Variants in UTP25 observed in about 807,000 individuals in gnomAD.
The protein encoded by UTP25 is UTP25 small subunit processome component.
In UTP25, 50 loss-of-function variants were observed where a neutral mutation model predicts 78.9. That is an observed-to-expected ratio of 0.63 (90% CI 0.50 to 0.80). The LOEUF is 0.80. Ranked by LOEUF, UTP25 falls within the 30% of genes least tolerant of loss-of-function variation. The pLI, the probability that UTP25 is intolerant of heterozygous loss-of-function variation, is 0.00. For missense variants in UTP25, 846 were observed against 911.3 expected (o/e 0.93, Z 0.92); for synonymous variants, 329 against 336.5 (o/e 0.98, Z 0.24).
chr1:209,835,083 C>A lies in UTP25; in HGVS notation c.571C>A (p.Leu191Ile). 6.2e-7 allele frequency: 1 copy of A among 1,613,008 alleles called. No individual in the cohort carries two copies. The highest frequency in any genetic ancestry group is 8.5e-7 in the Non-Finnish European group (1 of 1,179,272). ...TTTTATTTCTGAATTAGATCCATTT[C>A]TTCAACATGTGAACAAAGAACTGAA... ...SSLKASQDPF[L>I]QHVNKELKEK... Residue 191 changes from leucine to isoleucine, a missense_variant, in exon 5 of 12, where the codon CTT becomes ATT. Leu to Ile is a conservative substitution (Grantham distance 5). Transcript: ENST00000491415.
Position 209,838,979 on chromosome 1 carries a change from G to T in UTP25, c.1133G>T (p.Gly378Val). The stretch of plus-strand genomic sequence containing the variant: ...CAGCTCTTCATCAGCCTCCTCGAGG[G>T]TGACAGCAAGAAGAAAATCATTGTG... Reference protein sequence around the residue: ...VVQLFISLLEGDSKKKIIVSN... With the variant: ...VVQLFISLLEVDSKKKIIVSN... The change falls in exon 7 of 12, where the codon GGT (glycine) becomes GTT (valine). Residue 378 changes from glycine (G) to valine (V), a missense_variant. Physicochemically the swap from Gly to Val is moderately radical, Grantham distance 109. Coordinates refer to ENST00000491415, the MANE Select transcript of UTP25 (RefSeq NM_014388.7). 1 of 1,614,116 alleles carries T rather than the reference G, an allele frequency of 6.2e-7. No individual in the cohort carries two copies. The highest frequency in any genetic ancestry group is 8.5e-7 in the Non-Finnish European group (1 of 1,179,982).
intron 11 of UTP25, among the ~76,000 whole-genome samples, chr1:209,846,521 A>G (rs2078197646): frequency 6.6e-6 from 1 of 152,208 alleles, no homozygotes; most frequent in South Asian, 2.1e-4. Flanking sequence ...TCCCAGTTCT[A>G]GAAGTAGTAG....
Position 209,843,683 on chromosome 1 carries a change from C to T in UTP25, c.2014C>T (p.His672Tyr), listed in dbSNP as rs1329232915. 1.9e-6 allele frequency: 3 copies of T among 1,613,112 alleles called. No individual in the cohort carries two copies. Among genetic ancestry groups the T allele is most frequent in the African/African-American group, 2.7e-5 (2 of 74,838 alleles). The change falls in exon 11 of 12, where the codon CAT (histidine) becomes TAT (tyrosine). Residue 672 changes from histidine to tyrosine, a missense_variant. Coordinates refer to ENST00000491415, the MANE Select transcript of UTP25 (RefSeq NM_014388.7). ...KQFLLFTERF[H>Y]FYKRYTIKGI... ...GTTTCTACTTTTCACAGAGCGCTTC[C>T]ATTTCTACAAAAGGTAAAGTGGTGC...
intron 11 of UTP25, 57 bp from the exon 12 acceptor site, chr1:209,851,147 G>A: frequency 6.4e-7 from 1 of 1,565,946 alleles, no homozygotes; most frequent in Non-Finnish European, 8.6e-7. Context: ...CTCCTAGGTA[G>A]TTTTTCTAGA....
rs150367165 is a variant in UTP25 at position 209,840,893 on chromosome 1, G to C, written c.1323G>C (p.Pro441=). 1 of 1,613,368 alleles carries C rather than the reference G, an allele frequency of 6.2e-7. No individual in the cohort carries two copies. The highest frequency in any genetic ancestry group is 8.5e-7 in the Non-Finnish European group (1 of 1,179,922). Residue 441 remains proline (P), a synonymous_variant, in exon 8 of 12, where the codon CCG becomes CCC. Coordinates refer to ENST00000491415, the MANE Select transcript of UTP25 (RefSeq NM_014388.7). ...ILQRSIRLYA[P]FYSSDILIAS... ...AGAGAAGCATCCGACTCTATGCCCC[G>C]TTTTACTCCTCGGATATCCTCATTG...
At chr1:209,845,305 T>C (rs1230470561) in intron 11 of UTP25, among the ~76,000 whole-genome samples, 1 of 152,220 alleles carries the variant, frequency 6.6e-6, no homozygotes, top group Non-Finnish European at 1.5e-5. Context: ...TCTGTTCCAG[T>C]AAGTTGTCGT....
At chr1:209,840,168 A>G (rs1572004393) in intron 7 of UTP25, among the ~76,000 whole-genome samples, 1 of 152,202 alleles carries the variant, frequency 6.6e-6, no homozygotes, top group African/African-American at 2.4e-5. Flanking sequence ...AGCAGTTGGT[A>G]TATTGTTCTG....
chr1:209,851,476 G>C lies in UTP25; in HGVS notation c.*29G>C. 1 of 1,583,228 alleles carries C rather than the reference G, an allele frequency of 6.3e-7. No individual in the cohort carries two copies. The highest frequency in any genetic ancestry group is 8.6e-7 in the Non-Finnish European group (1 of 1,164,588). On this transcript the variant is annotated 3_prime_UTR_variant, in exon 12 of 12. Transcript: ENST00000491415. ...TTTGTTGGGCAGGAAGTGGTATTTGGCATGATACATAATGTTTGATTCTAT... is the reference window on the plus strand; with the variant it reads ...TTTGTTGGGCAGGAAGTGGTATTTGCCATGATACATAATGTTTGATTCTAT...
intron 10 of UTP25, chr1:209,843,141 A>G: frequency 2.5e-6 from 1 of 402,374 alleles, no homozygotes; most frequent in Non-Finnish European, 4.5e-6. Context: ...TTATTTGTTG[A>G]CTGTTGGACT....
At position 209,853,949 on chromosome 1, in the gene UTP25, G is replaced by A. The variant is rs1305360440; in HGVS notation, c.*2502G>A. 6.6e-6 allele frequency: 1 copy of A among 152,226 alleles called. No individual in the cohort carries two copies. Among genetic ancestry groups the A allele is most frequent in the African/African-American group, 2.4e-5 (1 of 41,456 alleles). The allele number at this position is 152,226 out of a possible 1,614,324, so 9.4% of individuals were successfully genotyped here. A position where few individuals can be genotyped will look rare whatever the true frequency, so the allele number is the denominator to read the frequency against. The stretch of plus-strand genomic sequence containing the variant: ...AACAAAGTAGTGTTGCTTTGTTCCT[G>A]GCTCAGCACCTGAAAAGAAGGTAAG... On this transcript the variant is annotated 3_prime_UTR_variant, in exon 12 of 12. Coordinates refer to ENST00000491415, the MANE Select transcript of UTP25 (RefSeq NM_014388.7).
intron 1 of UTP25, 144 bp downstream of exon 1, chr1:209,828,314 A>C: frequency 1.5e-6 from 1 of 654,294 alleles, no homozygotes; most frequent in Non-Finnish European, 2.6e-6. Context: ...TTCTGGCGCC[A>C]TCCCGCCGGG....
chr1:209,854,069 AAC>A lies in UTP25; in HGVS notation c.*2628_*2629del, dbSNP rs1558059101. 1 of 152,190 alleles carries A rather than the reference AAC, an allele frequency of 6.6e-6. No homozygotes were observed. The allele number at this position is 152,190 out of a possible 1,614,324, so 9.4% of individuals were successfully genotyped here. A position where few individuals can be genotyped will look rare whatever the true frequency, so the allele number is the denominator to read the frequency against. ...ATGCCTTGAAGATCTGGTCTCTCTC[AAC>A]ACACAATAAGCGAGAAGAGAGGCTA... is the stretch of plus-strand genomic sequence containing the variant. On this transcript the variant is annotated 3_prime_UTR_variant, in exon 12 of 12. Transcript: ENST00000491415.
chr1:209,851,407 C>G lies in UTP25; in HGVS notation c.2231C>G (p.Ser744Cys), dbSNP rs139806047. Residue 744 changes from serine to cysteine, a missense_variant, in exon 12 of 12, where the codon TCC becomes TGC. Physicochemically the swap from Ser to Cys is moderately radical, Grantham distance 112. Transcript: ENST00000491415. ...GAGCGGGCGGCACAGATGCTACAGT[C>G]CAACAAGAATGTCCACCTCTTCATT... ...GVERAAQMLQ[S>C]NKNVHLFITG... The G allele has an allele frequency of 6.2e-7, 1 of 1,611,840 alleles. No homozygotes were observed. The highest frequency in any genetic ancestry group is 8.5e-7 in the Non-Finnish European group (1 of 1,179,522).
Position 209,835,118 on chromosome 1 carries a change from A to C in UTP25, c.606A>C (p.Ala202=), listed in dbSNP as rs764336891. Residue 202 remains alanine, a synonymous_variant, in exon 5 of 12, where the codon GCA becomes GCC. Transcript: ENST00000491415. The part of the protein sequence containing the change: ...QHVNKELKEK[A]IQAVATNPKT... Reference sequence around the variant, plus strand: ...TGAACAAAGAACTGAAAGAAAAAGCAATTCAGGCTGTTGCCACAAATCCCA... The same window carrying C: ...TGAACAAAGAACTGAAAGAAAAAGCCATTCAGGCTGTTGCCACAAATCCCA... The C allele has an allele frequency of 3.1e-6, 5 of 1,613,892 alleles. No individual in the cohort carries two copies. The highest frequency in any genetic ancestry group is 4.2e-6 in the Non-Finnish European group (5 of 1,179,796).
intron 8 of UTP25, among the ~76,000 whole-genome samples, chr1:209,841,564 C>G (rs2078167210): frequency 1.3e-5 from 2 of 152,042 alleles, no homozygotes; most frequent in African/African-American, 4.8e-5. Context: ...ATTTTTTTCT[C>G]CTTCTCCACA....
At position 209,833,143 on chromosome 1, in the gene UTP25, T is replaced by C. The variant is rs558658787; in HGVS notation, c.389-42T>C. 2.6e-6 allele frequency: 4 copies of C among 1,565,546 alleles called. No individual in the cohort carries two copies. In the African/African-American group the frequency reaches 5.5e-5, roughly 22 times the overall value. On this transcript the variant is annotated intron_variant, in intron 3 of 11. Transcript: ENST00000491415. ...TAAATTTTGTCAACAGAAGTATAATTTGTGAGTAAATAATTTTATAAAATG... is the reference window on the plus strand; with the variant it reads ...TAAATTTTGTCAACAGAAGTATAATCTGTGAGTAAATAATTTTATAAAATG...
intron 1 of UTP25, among the ~76,000 whole-genome samples, chr1:209,829,353 G>A (rs764959535): frequency 9.9e-5 from 15 of 152,146 alleles, no homozygotes; most frequent in Non-Finnish European, 1.9e-4. Flanking sequence ...TTGCAATTAC[G>A]ATAAGGAACT....
intron 3 of UTP25, among the ~76,000 whole-genome samples, chr1:209,832,979 C>G (rs187397544): frequency 6.6e-6 from 1 of 152,238 alleles, no homozygotes; most frequent in African/African-American, 2.4e-5. Context: ...TGTGTCCCAG[C>G]CAAATTGAGA....
Position 209,828,076 on chromosome 1 carries a change from G to GGGAGCC in UTP25, c.20_25dup (p.Arg7_Ser8dup), listed in dbSNP as rs779669537. 2 of 1,614,104 alleles carry GGGAGCC rather than the reference G, an allele frequency of 1.2e-6. No individual in the cohort carries two copies. Among genetic ancestry groups the GGGAGCC allele is most frequent in the South Asian group, 1.1e-5 (1 of 91,082 alleles). On this transcript the variant is annotated inframe_insertion, in exon 1 of 12. Coordinates refer to ENST00000491415, the MANE Select transcript of UTP25 (RefSeq NM_014388.7). The stretch of plus-strand genomic sequence containing the variant: ...TGACGTTTTCGCTATGGGCAAACGC[G>GGGAGCC]GGAGCCGGAGCCAGAGCCAGCTACT...
Sources: gnomAD v4.1 joint callset for allele counts (sites outside exome capture counted in the v4.1 genomes callset) on GRCh38, gnomAD v4.1.1 for gene constraint, MANE v1.5 for transcripts, NCBI Gene and HGNC (gene_info 2026-07-23, HGNC 2026-07-21) for gene names.